SSH1: variants seen among roughly 807,000 people sequenced by gnomAD.
SSH1 encodes protein phosphatase Slingshot homolog 1.
In SSH1, 43 loss-of-function variants were observed where a neutral mutation model predicts 79.7. The observed-to-expected ratio is 0.54, with a 90% CI of 0.42 to 0.70. The LOEUF (loss-of-function observed/expected upper bound fraction) is 0.70, where lower values mean the gene tolerates loss of function less well. SSH1 is among the 30% of genes least tolerant of loss of function. The pLI, the probability that SSH1 is intolerant of heterozygous loss-of-function variation, is 0.00. For synonymous variants in SSH1, 599 were observed against 538.3 expected, an observed-to-expected ratio of 1.11 and a Z score of -1.56; for missense variants, 1,206 against 1,358.8, an observed-to-expected ratio of 0.89 and a Z score of 1.77.
chr12:108,818,285 CATCACCTGAAGATGTTGAGGCAG>C lies in SSH1; in HGVS notation c.220_242del (p.Leu74AspfsTer51). 6 of 1,613,790 alleles carry C rather than the reference CATCACCTGAAGATGTTGAGGCAG, an allele frequency of 3.7e-6. No homozygotes were observed. Among genetic ancestry groups the C allele is most frequent in the Non-Finnish European group, 4.2e-6 (5 of 1,180,006 alleles). On this transcript the variant is annotated frameshift_variant, in exon 4 of 15. Coordinates refer to ENST00000326495, the MANE Select transcript of SSH1 (RefSeq NM_018984.4). LOFTEE classifies it high-confidence loss of function. The stretch of plus-strand genomic sequence containing the variant: ...TGTCTTCGCAACGCAGAAGGTTGAT[CATCACCTGAAGATGTTGAGGCAG>C]ATCACCTGTTGGACCAATAAAGAAA...
At chr12:108,853,672 C>T (rs904353346) in intron 1 of SSH1, among the ~76,000 whole-genome samples, 1 of 152,106 alleles carries the variant, frequency 6.6e-6, no homozygotes, top group Non-Finnish European at 1.5e-5. Flanking sequence ...ACCTGGAATC[C>T]CAGCACTGCA....
At chr12:108,845,157 C>T (rs1286651477) in intron 2 of SSH1, among the ~76,000 whole-genome samples, 3 of 145,000 alleles carry the variant, frequency 2.1e-5, no homozygotes, top group African/African-American at 5.2e-5. Flanking sequence ...TGCAGTGAGC[C>T]GAGATCGCAC....
At chr12:108,837,053 A>C (rs1416475553) in intron 2 of SSH1, 1 of 454,180 alleles carries the variant, frequency 2.2e-6, no homozygotes, top group Non-Finnish European at 4.5e-6. Context: ...CAACATGGCA[A>C]CACCCTATTC....
At chr12:108,827,514 T>C in intron 2 of SSH1, 1 of 1,285,464 alleles carries the variant, frequency 7.8e-7, no homozygotes, top group Non-Finnish European at 9.9e-7. Context: ...ATGGCTCTTG[T>C]GGAACTCTTG....
chr12:108,817,130 G>T lies in SSH1; in HGVS notation c.309C>A (p.Asp103Glu), dbSNP rs1328399942. Residue 103 changes from aspartate (D) to glutamate (E), a missense_variant, in exon 5 of 15, where the codon GAC becomes GAA. Coordinates refer to ENST00000326495, the MANE Select transcript of SSH1 (RefSeq NM_018984.4). Reference sequence around the variant, plus strand: ...ACACCACCACCATGTACCGGACCCGGTCCGCCCAGGCGCTCTCCAGGCGCA... The same window carrying T: ...ACACCACCACCATGTACCGGACCCGTTCCGCCCAGGCGCTCTCCAGGCGCA... The part of the protein sequence containing the change: ...LAVRLESAWA[D>E]RVRYMVVVYS... The T allele has an allele frequency of 2.5e-6, 4 of 1,614,130 alleles. No homozygotes were observed. The highest frequency in any genetic ancestry group is 3.4e-6 in the Non-Finnish European group (4 of 1,180,016).
chr12:108,808,544 G>C (rs1279246898), intron 7 of SSH1, among the ~76,000 whole-genome samples: 1 of 152,190 alleles, frequency 6.6e-6, no homozygotes, highest in African/African-American at 2.4e-5. Flanking sequence ...CTGAACATAT[G>C]TTCATATGAC....
intron 3 of SSH1, among the ~76,000 whole-genome samples, chr12:108,819,144 T>C (rs1565999332): frequency 1.3e-5 from 2 of 152,232 alleles, no homozygotes; most frequent in African/African-American, 2.4e-5. Flanking sequence ...ACTCTACAGA[T>C]AGCAGCTGTA....
chr12:108,809,813 G>A (rs1432651404), intron 6 of SSH1, 55 bp from the exon 7 acceptor site: 6 of 1,493,506 alleles, frequency 4.0e-6, no homozygotes, highest in Non-Finnish European at 5.6e-6. Context: ...AGCGCCTTGA[G>A]TGAAATCACT....
In SSH1 at chr12:108,778,478, C is replaced by T. The variant is rs2036118244; in HGVS notation, c.*9510G>A. The T allele has an allele frequency of 6.6e-6, 1 of 152,208 alleles. No homozygotes were observed. The highest frequency in any genetic ancestry group is 1.5e-5 in the Non-Finnish European group (1 of 68,054). The allele number at this position is 152,208 out of a possible 1,614,324, so 9.4% of individuals were successfully genotyped here. A position where few individuals can be genotyped will look rare whatever the true frequency, so the allele number is the denominator to read the frequency against. On this transcript the variant is annotated 3_prime_UTR_variant, in exon 15 of 15. Transcript: ENST00000326495. ...GCTGTGTGTCCCTGACCCACGTTACCTAACCTCTCTGAGCATCCACTGCTT... is the reference window on the plus strand; with the variant it reads ...GCTGTGTGTCCCTGACCCACGTTACTTAACCTCTCTGAGCATCCACTGCTT...
At chr12:108,852,150 A>G (rs750345165) in intron 2 of SSH1, among the ~76,000 whole-genome samples, 15 of 152,160 alleles carry the variant, frequency 9.9e-5, no homozygotes, top group Non-Finnish European at 2.9e-5. Context: ...ATATTATTAA[A>G]GTGGCTAGAC....
At chr12:108,805,436 T>C (rs1487530200) in intron 9 of SSH1, among the ~76,000 whole-genome samples, 1 of 152,214 alleles carries the variant, frequency 6.6e-6, no homozygotes, top group East Asian at 1.9e-4. Flanking sequence ...TTCCATGAGA[T>C]CTCTTCTACC....
chr12:108,819,796 T>C (rs551661197), intron 3 of SSH1, among the ~76,000 whole-genome samples: 2 of 152,280 alleles, frequency 1.3e-5, no homozygotes, highest in South Asian at 4.1e-4. Flanking sequence ...AGACCCTGTC[T>C]CTACAAAGGA....
At chr12:108,803,220 T>C (rs1455018494) in intron 10 of SSH1, among the ~76,000 whole-genome samples, 1 of 152,208 alleles carries the variant, frequency 6.6e-6, no homozygotes, top group Non-Finnish European at 1.5e-5. Flanking sequence ...ACCTCTGGAT[T>C]TGCGAGATCG....
At chr12:108,801,066 T>C in intron 11 of SSH1, 140 bp from the exon 12 acceptor site, 2 of 796,486 alleles carry the variant, frequency 2.5e-6, no homozygotes, top group Non-Finnish European at 4.0e-6. Flanking sequence ...CTTTGGTTTT[T>C]CCTTAATAGC....
intron 2 of SSH1, 87 bp from the exon 3 acceptor site, chr12:108,823,448 C>T (rs977875700): frequency 1.9e-5 from 21 of 1,105,326 alleles, no homozygotes; most frequent in Admixed American, 7.9e-5. Flanking sequence ...AAAGCTTTAG[C>T]GTGGACAAAT....
At chr12:108,845,549 T>C (rs1004606013) in intron 2 of SSH1, among the ~76,000 whole-genome samples, 2 of 151,994 alleles carry the variant, frequency 1.3e-5, no homozygotes, top group African/African-American at 4.8e-5. Context: ...TGGCCAGGTG[T>C]GGTGGTATGC....
chr12:108,823,236 A>T, intron 3 of SSH1, 22 bp downstream of exon 3: 1 of 1,553,464 alleles, frequency 6.4e-7, no homozygotes, highest in Non-Finnish European at 8.7e-7. Context: ...CCAATGTAAG[A>T]GTATCAACTT....
intron 2 of SSH1, among the ~76,000 whole-genome samples, chr12:108,841,610 C>T (rs112937570): frequency 0.024 from 3,633 of 150,300 alleles, 65 homozygotes; most frequent in South Asian, 0.096. Flanking sequence ...GAGTTCGAGA[C>T]CAACCTGGCC....
chr12:108,837,147 G>A (rs559556093), intron 2 of SSH1: 7 of 330,672 alleles, frequency 2.1e-5, no homozygotes, highest in African/African-American at 8.5e-5. Flanking sequence ...CACAAGAATC[G>A]CTTGAACCCG....
Sources: gnomAD v4.1 joint callset for allele counts (sites outside exome capture counted in the v4.1 genomes callset) on GRCh38, gnomAD v4.1.1 for gene constraint, MANE v1.5 for transcripts, NCBI Gene and HGNC (gene_info 2026-07-23, HGNC 2026-07-21) for gene names.